SLC24A2: variants seen among roughly 807,000 people sequenced by gnomAD.
SLC24A2 encodes sodium/potassium/calcium exchanger 2.
A neutral mutation model predicts 62.0 loss-of-function variants in SLC24A2; 36 were observed. That is an observed-to-expected ratio of 0.58 (90% CI 0.44 to 0.77). The LOEUF (loss-of-function observed/expected upper bound fraction) is 0.77, where lower values mean the gene tolerates loss of function less well. Among genes scored for constraint, SLC24A2 ranks in the 30% least tolerant of loss-of-function variants. The pLI, the probability that SLC24A2 is intolerant of heterozygous loss-of-function variation, is 0.00. For synonymous variants in SLC24A2, 358 were observed against 294.0 expected (o/e 1.22, Z -2.23); for missense variants, 846 against 817.9 (o/e 1.03, Z -0.42).
intron 4 of SLC24A2, among the ~76,000 whole-genome samples, chr9:19,612,707 T>A (rs1837212646): frequency 6.6e-6 from 1 of 152,102 alleles, no homozygotes; most frequent in South Asian, 2.1e-4. Context: ...CTGCTCATAG[T>A]TCTTTATCAA....
At chr9:19,561,375 T>C (rs779007932) in intron 7 of SLC24A2, among the ~76,000 whole-genome samples, 2 of 152,166 alleles carry the variant, frequency 1.3e-5, no homozygotes, top group Admixed American at 6.5e-5. Flanking sequence ...CTGAAACATT[T>C]GTCTTGCCTT....
rs1834202876 is a variant in SLC24A2, at chr9:19,540,592, C to T, written c.1479+9545G>A. ...AGAGATCCGCTGTTAGTCTGATGGG[C>T]TTTCCTTTGAGGGTAACCTGACCTT... is the stretch of plus-strand genomic sequence containing the variant. On this transcript the variant is annotated intron_variant, in intron 8 of 10. Transcript: ENST00000341998. Among the ~76,000 whole-genome samples the T allele has an allele frequency of 2.0e-5, 3 of 147,228 alleles. No homozygotes were observed. In the South Asian group the frequency reaches 6.4e-4, roughly 31 times the overall value.
At chr9:19,522,948 G>C (rs576396213) in intron 9 of SLC24A2, among the ~76,000 whole-genome samples, 22 of 152,188 alleles carry the variant, frequency 1.4e-4, no homozygotes, top group African/African-American at 4.8e-4. Context: ...CTAAACAACT[G>C]TTACTGTCGG....
chr9:19,873,445 TTC>T, the SLC24A2 span, among the ~76,000 whole-genome samples: 3 of 146,822 alleles, frequency 2.0e-5, no homozygotes, highest in Non-Finnish European at 4.4e-5. Flanking sequence ...CTTCCTTTCT[TTC>T]TCTTTCTTTC....
chr9:19,569,692 C>T (rs1019511243), intron 7 of SLC24A2, among the ~76,000 whole-genome samples: 1 of 152,146 alleles, frequency 6.6e-6, no homozygotes, highest in African/African-American at 2.4e-5. Context: ...CATCTGCTGA[C>T]TTCCAATGGC....
At chr9:20,056,279 T>C in the SLC24A2 span, among the ~76,000 whole-genome samples, 2 of 152,166 alleles carry the variant, frequency 1.3e-5, no homozygotes, top group South Asian at 2.1e-4. Context: ...TAGAAGACTA[T>C]TATAAATAAG....
intron 2 of SLC24A2, 85 bp from the exon 3 acceptor site, chr9:19,622,384 C>A: frequency 7.5e-7 from 1 of 1,334,752 alleles, no homozygotes; most frequent in Non-Finnish European, 1.1e-6. Context: ...TAATAACAAG[C>A]ATCAGTATAG....
At chr9:20,041,157 CGCGCGTGCGCACGTGT>C in the SLC24A2 span, among the ~76,000 whole-genome samples, 1 of 151,702 alleles carries the variant, frequency 6.6e-6, no homozygotes, top group South Asian at 2.1e-4. Flanking sequence ...TGTACGCGTG[CGCGCGTGCGCACGTGT>C]GCGCGCAGAA....
At chr9:19,826,417 T>C in the SLC24A2 span, among the ~76,000 whole-genome samples, 3 of 152,118 alleles carry the variant, frequency 2.0e-5, no homozygotes, top group East Asian at 5.8e-4. Context: ...TGTGAGAGAA[T>C]AGAGAAAGGC....
intron 2 of SLC24A2, among the ~76,000 whole-genome samples, chr9:19,640,026 A>G (rs745705635): frequency 1.3e-5 from 2 of 152,256 alleles, no homozygotes; most frequent in African/African-American, 2.4e-5. Context: ...TAGTAACTTG[A>G]GTTTATTAGA....
intron 2 of SLC24A2, among the ~76,000 whole-genome samples, chr9:19,673,217 T>C (rs2145779): frequency 0.027 from 3,935 of 146,458 alleles, 565 homozygotes; most frequent in East Asian, 0.092. Flanking sequence ...TTTGGGAACT[T>C]CAGTGTTAGG....
At chr9:19,956,834 C>T in the SLC24A2 span, among the ~76,000 whole-genome samples, 1 of 152,150 alleles carries the variant, frequency 6.6e-6, no homozygotes. Flanking sequence ...GCATAGCCCT[C>T]ATGAATGGGA....
rs778191985 is a variant in SLC24A2, at chr9:19,508,263, A to AT, written c.*7889dup. On this transcript the variant is annotated 3_prime_UTR_variant, in exon 11 of 11. Transcript: ENST00000341998. The stretch of plus-strand genomic sequence containing the variant: ...CAGTAACTGAGGCTCCCTCTTCCGA[A>AT]TAGAGTCTCAGCCCTTTAGAGAAAC... 4.6e-5 allele frequency: 7 copies of AT among 152,178 alleles called. No homozygotes were observed. In the East Asian group the frequency reaches 1.3e-3, roughly 29 times the overall value. The allele number at this position is 152,178 out of a possible 1,614,324, so 9.4% of individuals were successfully genotyped here. A position where few individuals can be genotyped will look rare whatever the true frequency, so the allele number is the denominator to read the frequency against.
At chr9:20,146,794 G>A in the SLC24A2 span, among the ~76,000 whole-genome samples, 5 of 152,072 alleles carry the variant, frequency 3.3e-5, no homozygotes, top group African/African-American at 1.2e-4. Context: ...CCCTTGATCT[G>A]AGTTTGTCAT....
At chr9:20,028,907 C>T in the SLC24A2 span, among the ~76,000 whole-genome samples, 2 of 152,144 alleles carry the variant, frequency 1.3e-5, no homozygotes, top group African/African-American at 4.8e-5. Flanking sequence ...TAAAATACAC[C>T]GTGTTTAGTC....
At chr9:20,091,590 T>A in the SLC24A2 span, among the ~76,000 whole-genome samples, 6 of 152,290 alleles carry the variant, frequency 3.9e-5, no homozygotes, top group African/African-American at 1.2e-4. Flanking sequence ...CCAAGAATTT[T>A]ATATCTACTA....
At chr9:20,086,870 G>C in the SLC24A2 span, among the ~76,000 whole-genome samples, 46 of 152,304 alleles carry the variant, frequency 3.0e-4, no homozygotes, top group African/African-American at 1.1e-3. Context: ...TTATATGCAT[G>C]AGCCTTGTCT....
rs151185541 is a variant in SLC24A2, at chr9:19,511,057, C to G, written c.*5096G>C. The G allele has an allele frequency of 2.6e-5, 4 of 152,150 alleles. No individual in the cohort carries two copies. Among genetic ancestry groups the G allele is most frequent in the African/African-American group, 9.7e-5 (4 of 41,418 alleles). The allele number at this position is 152,150 out of a possible 1,614,324, so 9.4% of individuals were successfully genotyped here. A position where few individuals can be genotyped will look rare whatever the true frequency, so the allele number is the denominator to read the frequency against. On this transcript the variant is annotated 3_prime_UTR_variant, in exon 11 of 11. Transcript: ENST00000341998. ...GGGGAGTCATTGTGGAAAACAGATT[C>G]CTTCCAGAGCAAACATGAGTGTGCC...
chr9:20,177,908 G>A, the SLC24A2 span, among the ~76,000 whole-genome samples: 4 of 151,854 alleles, frequency 2.6e-5, no homozygotes, highest in Admixed American at 2.6e-4. Flanking sequence ...ATTGCCGAGG[G>A]GACACGCTCA....
Sources: gnomAD v4.1 joint callset for allele counts (sites outside exome capture counted in the v4.1 genomes callset) on GRCh38, gnomAD v4.1.1 for gene constraint, MANE v1.5 for transcripts, NCBI Gene and HGNC (gene_info 2026-07-23, HGNC 2026-07-21) for gene names.